Variants in DYNC1H1 observed in about 807,000 individuals in gnomAD.
DYNC1H1 encodes dynein cytoplasmic 1 heavy chain 1, also known as cytoplasmic dynein 1 heavy chain 1.
DYNC1H1 carries 51 observed loss-of-function variants against 527.1 expected under a neutral mutation model. That is an observed-to-expected ratio of 0.10 (90% CI 0.08 to 0.12). The LOEUF is 0.12. Among genes scored for constraint, DYNC1H1 ranks in the 10% least tolerant of loss-of-function variants. The probability of loss-of-function intolerance (pLI) is 1.00; values close to 1 mark genes in which losing one functional copy is unlikely to be tolerated. For missense variants in DYNC1H1, 2,771 were observed against 5,971.8 expected, an observed-to-expected ratio of 0.46 and a Z score of 17.66; for synonymous variants, 2,189 against 2,278.8, an observed-to-expected ratio of 0.96 and a Z score of 1.12.
chr14:102,047,167 G>A (rs940840440), intron 72 of DYNC1H1, among the ~76,000 whole-genome samples: 4 of 152,066 alleles, frequency 2.6e-5, no homozygotes, highest in Non-Finnish European at 2.9e-5. Context: ...TCATGTTCTC[G>A]ACCTGGTAAC....
intron 29 of DYNC1H1, chr14:102,009,631 G>C: frequency 1.6e-6 from 1 of 641,856 alleles, no homozygotes; most frequent in Admixed American, 2.9e-5. Context: ...TGGGACACGT[G>C]CACATGAGGT....
In DYNC1H1 at chr14:102,033,691, C is replaced by T. The variant is rs1377942753; in HGVS notation, c.10413+207C>T. ...TTAGGATAGATTGATACAAACTGGACACTTTTCAGCCGTTGAATCCCCCAC... is the reference window on the plus strand; with the variant it reads ...TTAGGATAGATTGATACAAACTGGATACTTTTCAGCCGTTGAATCCCCCAC... On this transcript the variant is annotated intron_variant, in intron 54 of 77. Coordinates refer to ENST00000360184, the MANE Select transcript of DYNC1H1 (RefSeq NM_001376.5). The surrounding 1 kb of genome is among the most constrained non-coding windows in gnomAD (Gnocchi z 5.6). 4.1e-6 allele frequency: 3 copies of T among 731,830 alleles called. No individual in the cohort carries two copies. Among genetic ancestry groups the T allele is most frequent in the African/African-American group, 1.7e-5 (1 of 57,164 alleles). 45.3% of individuals were successfully genotyped at this position (731,830 alleles called of 1,614,324 possible).
intron 7 of DYNC1H1, among the ~76,000 whole-genome samples, chr14:101,984,843 G>C (rs777540048): frequency 7.0e-6 from 1 of 142,500 alleles, no homozygotes; most frequent in Non-Finnish European, 1.5e-5. Flanking sequence ...TGAGGCAGGA[G>C]AATGGCGTGA....
chr14:102,033,206 C>G lies in DYNC1H1; in HGVS notation c.10197+24C>G, dbSNP rs928103377. ...AGGTGATTAACACAGCCAGGAGCTCCCGTGTGAAAGGTGACCTCTTTTCCT... is the reference window on the plus strand; with the variant it reads ...AGGTGATTAACACAGCCAGGAGCTCGCGTGTGAAAGGTGACCTCTTTTCCT... On this transcript the variant is annotated intron_variant, in intron 53 of 77. Coordinates refer to ENST00000360184, the MANE Select transcript of DYNC1H1 (RefSeq NM_001376.5). This position sits in a 1 kb window ranked among gnomAD's most constrained non-coding sequence, Gnocchi z 5.6. 1.2e-6 allele frequency: 2 copies of G among 1,614,012 alleles called. No individual in the cohort carries two copies. The highest frequency in any genetic ancestry group is 1.7e-6 in the Non-Finnish European group (2 of 1,179,996).
intron 51 of DYNC1H1, among the ~76,000 whole-genome samples, chr14:102,031,773 G>T (rs949779563): frequency 1.3e-5 from 2 of 152,128 alleles, no homozygotes; most frequent in African/African-American, 4.8e-5. Context: ...TGACCAACAT[G>T]GAGAAACCCC....
In DYNC1H1 at chr14:102,050,639, G is replaced by A. The variant is rs1307417294; in HGVS notation, c.*76G>A. On this transcript the variant is annotated 3_prime_UTR_variant, in exon 78 of 78. Transcript: ENST00000360184. ...TATTCATTTTTAAAATATTTGGAAG[G>A]TCTGAGCTTGTGAAAAGAAAGTGGT... 11 of 1,609,556 alleles carry A rather than the reference G, an allele frequency of 6.8e-6. No homozygotes were observed. The highest frequency in any genetic ancestry group is 9.3e-6 in the Non-Finnish European group (11 of 1,177,148).
intron 43 of DYNC1H1, among the ~76,000 whole-genome samples, chr14:102,026,268 G>A (rs2048449988): frequency 6.6e-6 from 1 of 152,128 alleles, no homozygotes; most frequent in South Asian, 2.1e-4. Context: ...TTGAACTTAT[G>A]GATGAGTTTG....
chr14:102,012,264 G>T lies in DYNC1H1; in HGVS notation c.6858-50G>T, dbSNP rs765192417. The T allele has an allele frequency of 6.8e-6, 11 of 1,613,908 alleles. No individual in the cohort carries two copies. The highest frequency in any genetic ancestry group is 9.3e-6 in the Non-Finnish European group (11 of 1,179,944). On this transcript the variant is annotated intron_variant, in intron 33 of 77. Coordinates refer to ENST00000360184, the MANE Select transcript of DYNC1H1 (RefSeq NM_001376.5). The surrounding 1 kb of genome is among the most constrained non-coding windows in gnomAD (Gnocchi z 4.9). ...ACCATCATCGGTAAACATGCCTAAT[G>T]TTAAAATCTTGATTTAATCAGCAGC...
chr14:102,003,891 A>ACTTG (rs1329408078), intron 23 of DYNC1H1, among the ~76,000 whole-genome samples: 6 of 151,240 alleles, frequency 4.0e-5, no homozygotes, highest in South Asian at 2.1e-4. Context: ...GCGCCGCTGC[A>ACTTG]CTCCAGCTGG....
At position 102,054,519 on chromosome 14, in the gene DYNC1H1, C is replaced by T. The variant is rs1414114733; in HGVS notation, c.*3956C>T. On this transcript the variant is annotated 3_prime_UTR_variant, in exon 78 of 78. Transcript: ENST00000360184. ...GCCCACCCCCAACCGCCAGGGCCACCCAAACACCAGTTACAACACCATCAC... is the reference window on the plus strand; with the variant it reads ...GCCCACCCCCAACCGCCAGGGCCACTCAAACACCAGTTACAACACCATCAC... 1 of 152,372 alleles carries T rather than the reference C, an allele frequency of 6.6e-6. No homozygotes were observed. The highest frequency in any genetic ancestry group is 2.1e-4 in the South Asian group (1 of 4,832). The allele number at this position is 152,372 out of a possible 1,614,324, so 9.4% of individuals were successfully genotyped here.
rs377669980 is a variant in DYNC1H1, at chr14:102,041,740, G to A, written c.12102+6G>A. ...CCCACATTGTGGGCACAGAGGTAATGTCCTGGTACAGCCCGGGCTTCCCAC... is the reference window on the plus strand; with the variant it reads ...CCCACATTGTGGGCACAGAGGTAATATCCTGGTACAGCCCGGGCTTCCCAC... On this transcript the variant is annotated splice_donor_region_variant and intron_variant, in intron 65 of 77. Coordinates refer to ENST00000360184, the MANE Select transcript of DYNC1H1 (RefSeq NM_001376.5). This position sits in a 1 kb window ranked among gnomAD's most constrained non-coding sequence, Gnocchi z 4.5. 276 of 1,613,896 alleles carry A rather than the reference G, an allele frequency of 1.7e-4. 2 individuals carry two copies. The Middle Eastern group carries it at 2.6e-3, about 15-fold the overall frequency.
rs774559021 is a variant in DYNC1H1 at position 102,040,583 on chromosome 14, C to T, written c.11866-15C>T. On this transcript the variant is annotated splice_polypyrimidine_tract_variant and intron_variant, in intron 63 of 77. Coordinates refer to ENST00000360184, the MANE Select transcript of DYNC1H1 (RefSeq NM_001376.5). ...CAGCCCTGCTCCATGGGTGCTTCCA[C>T]TATTGTCTCCACAGCAATTTGGCAT... 1 of 1,614,154 alleles carries T rather than the reference C, an allele frequency of 6.2e-7. No individual in the cohort carries two copies. The highest frequency in any genetic ancestry group is 8.5e-7 in the Non-Finnish European group (1 of 1,180,030).
At position 102,040,087 on chromosome 14, in the gene DYNC1H1, C is replaced by T. The variant is rs1220843681; in HGVS notation, c.11691-149C>T. ...CTCAAACTCCTGACCTCAAGTGATC[C>T]GCCCACCTCGGCCTCCCAGAGTGCT... On this transcript the variant is annotated intron_variant, in intron 62 of 77. Coordinates refer to ENST00000360184, the MANE Select transcript of DYNC1H1 (RefSeq NM_001376.5). 15 of 1,097,412 alleles carry T rather than the reference C, an allele frequency of 1.4e-5. No homozygotes were observed. The East Asian group carries it at 2.6e-4, about 19-fold the overall frequency. 68.0% of individuals were successfully genotyped at this position (1,097,412 alleles called of 1,614,324 possible). A position where few individuals can be genotyped will look rare whatever the true frequency, so the allele number is the denominator to read the frequency against.
rs746415747 is a variant in DYNC1H1, at chr14:102,050,531, G to A, written c.13909G>A (p.Glu4637Lys). 2.5e-6 allele frequency: 4 copies of A among 1,614,220 alleles called. No individual in the cohort carries two copies. The highest frequency in any genetic ancestry group is 1.7e-5 in the Admixed American group (1 of 60,026). The change falls in exon 78 of 78, where the codon GAG becomes AAG. Residue 4637 changes from glutamate (E) to lysine (K), a missense_variant. By Grantham distance (56) the Glu-to-Lys change is moderately conservative. Transcript: ENST00000360184. The part of the protein sequence containing the change: ...ATKEDPRSFY[E>K]RGVAVLCTE ...AAAGGAGGATCCTCGCAGCTTCTAC[G>A]AGCGGGGTGTCGCAGTCTTGTGCAC...
chr14:102,027,092 A>G lies in DYNC1H1; in HGVS notation c.8772-82A>G. 1 of 1,441,530 alleles carries G rather than the reference A, an allele frequency of 6.9e-7. No individual in the cohort carries two copies. Among genetic ancestry groups the G allele is most frequent in the Non-Finnish European group, 9.8e-7 (1 of 1,023,784 alleles). 89.3% of individuals were successfully genotyped at this position (1,441,530 alleles called of 1,614,324 possible). On this transcript the variant is annotated intron_variant, in intron 44 of 77. Coordinates refer to ENST00000360184, the MANE Select transcript of DYNC1H1 (RefSeq NM_001376.5). This position sits in a 1 kb window ranked among gnomAD's most constrained non-coding sequence, Gnocchi z 7.7. ...AAGTTCAAGTTAAAACATGTCCAAA[A>G]TACTGTAGACACTAGATATGAGTCA...
intron 56 of DYNC1H1, chr14:102,035,982 T>C (rs2048570596): frequency 1.2e-5 from 2 of 173,490 alleles, no homozygotes; most frequent in Non-Finnish European, 2.5e-5. Context: ...TCACATTAGC[T>C]TATTTGTGTC....
At chr14:102,031,083 A>G (rs1233861382) in intron 51 of DYNC1H1, among the ~76,000 whole-genome samples, 4 of 152,252 alleles carry the variant, frequency 2.6e-5, no homozygotes, top group Non-Finnish European at 5.9e-5. Context: ...GATGAATTCA[A>G]ATGCACCACT....
chr14:101,971,344 G>A (rs1456814830), intron 1 of DYNC1H1, among the ~76,000 whole-genome samples: 1 of 151,980 alleles, frequency 6.6e-6, no homozygotes, highest in African/African-American at 2.4e-5. Context: ...AAAGTACTGG[G>A]ATTACAGGCA....
At chr14:101,971,902 GT>G (rs1464225574) in intron 1 of DYNC1H1, among the ~76,000 whole-genome samples, 42 of 152,178 alleles carry the variant, frequency 2.8e-4, no homozygotes, top group Admixed American at 2.7e-3. Flanking sequence ...CCAAGGAAGT[GT>G]TCACAAGTTG....
Sources: allele counts gnomAD v4.1 joint callset (sites outside exome capture counted in the v4.1 genomes callset), GRCh38; gene constraint gnomAD v4.1.1; non-coding constraint Gnocchi (gnomAD v3.1); transcripts MANE v1.5; gene names NCBI Gene and HGNC (gene_info 2026-07-23, HGNC 2026-07-21).